The following CTNNA3 variants were observed in gnomAD, a reference collection of about 807,000 sequenced individuals.
CTNNA3 encodes the protein catenin alpha-3.
Under a neutral mutation model 95.7 loss-of-function variants are expected in CTNNA3, and 76 were observed. The ratio of observed to expected loss-of-function variants is 0.79; its 90% CI spans 0.66 to 0.96. The LOEUF is 0.96. Among genes scored for constraint, CTNNA3 ranks in the 40% least tolerant of loss-of-function variants. The pLI is 0.00. For missense variants in CTNNA3, 1,191 were observed against 1,089.8 expected (o/e 1.09, Z -1.31); for synonymous variants, 431 against 374.4 (o/e 1.15, Z -1.74).
intron 10 of CTNNA3, among the ~76,000 whole-genome samples, chr10:66,572,106 G>A (rs1336643640): frequency 5.9e-5 from 9 of 152,164 alleles, no homozygotes; most frequent in African/African-American, 1.4e-4. Context: ...TATGAGGCCG[G>A]GAGTGGTGGC....
At chr10:67,411,970 T>G (rs370845802) in intron 5 of CTNNA3, among the ~76,000 whole-genome samples, 8 of 152,272 alleles carry the variant, frequency 5.3e-5, no homozygotes, top group Middle Eastern at 3.4e-3. Context: ...GTTGAATCTG[T>G]GCAAAGAAGC....
At chr10:67,374,990 A>G (rs1388838689) in intron 5 of CTNNA3, among the ~76,000 whole-genome samples, 1 of 152,222 alleles carries the variant, frequency 6.6e-6, no homozygotes, top group South Asian at 2.1e-4. Flanking sequence ...TCATTTAATG[A>G]TACAACTCCA....
chr10:67,289,781 CGGAT>C (rs905045023), intron 5 of CTNNA3, among the ~76,000 whole-genome samples: 2 of 133,902 alleles, frequency 1.5e-5, no homozygotes, highest in African/African-American at 7.3e-5. Context: ...GATGGATGGA[CGGAT>C]GGATGGATGG....
intron 17 of CTNNA3, among the ~76,000 whole-genome samples, chr10:65,953,107 C>G (rs1314563653): frequency 1.3e-5 from 2 of 152,032 alleles, no homozygotes; most frequent in African/African-American, 4.8e-5. Flanking sequence ...TAGAATATAA[C>G]AATAGTTATT....
At chr10:66,555,164 A>C (rs774810518) in intron 10 of CTNNA3, among the ~76,000 whole-genome samples, 3 of 152,094 alleles carry the variant, frequency 2.0e-5, no homozygotes, top group Non-Finnish European at 4.4e-5. Flanking sequence ...ATTTTGCTTC[A>C]CTTTTATTCT....
intron 13 of CTNNA3, among the ~76,000 whole-genome samples, chr10:66,187,692 T>C (rs2086417641): frequency 6.6e-6 from 1 of 152,022 alleles, no homozygotes; most frequent in South Asian, 2.1e-4. Context: ...GAAAGTTTAG[T>C]GTCCACCCAT....
intron 13 of CTNNA3, among the ~76,000 whole-genome samples, chr10:66,155,307 T>G (rs1462818): frequency 0.074 from 11,255 of 151,836 alleles, 523 homozygotes; most frequent in Admixed American, 0.12. Flanking sequence ...GCCAAGTGAC[T>G]AAGACACTTG....
intron 5 of CTNNA3, among the ~76,000 whole-genome samples, chr10:67,435,401 C>T (rs965059273): frequency 6.6e-6 from 1 of 151,934 alleles, no homozygotes. Flanking sequence ...AAGTTGAAAG[C>T]ATTCTCTCTG....
chr10:66,494,390 T>C (rs1385694962), intron 11 of CTNNA3, among the ~76,000 whole-genome samples: 1 of 152,212 alleles, frequency 6.6e-6, no homozygotes, highest in Non-Finnish European at 1.5e-5. Flanking sequence ...TTAGACCCTG[T>C]TCATTCCATA....
chr10:66,918,598 C>T (rs1846614811), intron 7 of CTNNA3, among the ~76,000 whole-genome samples: 1 of 152,126 alleles, frequency 6.6e-6, no homozygotes, highest in Non-Finnish European at 1.5e-5. Context: ...AAGCTAAAGT[C>T]CAAATGACGT....
chr10:66,820,977 A>G (rs1336647320), intron 7 of CTNNA3, among the ~76,000 whole-genome samples: 5 of 152,100 alleles, frequency 3.3e-5, no homozygotes, highest in Non-Finnish European at 5.9e-5. Flanking sequence ...TTCCATCATC[A>G]TTAACTTATT....
chr10:66,051,785 C>G (rs1469827198), intron 15 of CTNNA3, among the ~76,000 whole-genome samples: 1 of 152,052 alleles, frequency 6.6e-6, no homozygotes, highest in Non-Finnish European at 1.5e-5. Flanking sequence ...ATGATAGAAC[C>G]CTTTCCTAAC....
chr10:67,481,436 G>T (rs753946372), intron 5 of CTNNA3, among the ~76,000 whole-genome samples: 3 of 152,066 alleles, frequency 2.0e-5, no homozygotes, highest in African/African-American at 2.4e-5. Flanking sequence ...AAAGTGTCAG[G>T]ATACAAAATC....
intron 7 of CTNNA3, among the ~76,000 whole-genome samples, chr10:66,873,349 C>A (rs1003012178): frequency 6.6e-6 from 1 of 150,910 alleles, no homozygotes; most frequent in Non-Finnish European, 1.5e-5. Flanking sequence ...GCCTCAACAG[C>A]ATCTGGTTTT....
At chr10:67,609,803 C>T (rs1843399777) in intron 2 of CTNNA3, among the ~76,000 whole-genome samples, 1 of 152,268 alleles carries the variant, frequency 6.6e-6, no homozygotes, top group East Asian at 1.9e-4. Context: ...AAGGTATTCT[C>T]TCTGGATCTA....
In CTNNA3 at chr10:66,720,835, AAAAAG is replaced by A. The variant is rs969018534; in HGVS notation, c.1281+45424_1281+45428del. On this transcript the variant is annotated intron_variant, in intron 9 of 17. Transcript: ENST00000433211. ...GTGACAGAGAGAGACCCTGTCTCAA[AAAAAG>A]AAAAGAAAAGAAAAGAAAACAAAAA... Among the ~76,000 whole-genome samples, 63 of 152,160 alleles carry A rather than the reference AAAAAG, an allele frequency of 4.1e-4. 1 individual carries two copies. The highest frequency in any genetic ancestry group is 6.8e-3 in the Middle Eastern group (2 of 292).
chr10:65,996,509 G>T (rs2078663684), intron 15 of CTNNA3, among the ~76,000 whole-genome samples: 1 of 152,238 alleles, frequency 6.6e-6, no homozygotes, highest in South Asian at 2.1e-4. Flanking sequence ...GCCCCAGGGA[G>T]AAATGCAGTC....
chr10:66,122,510 A>G (rs2082625984), intron 13 of CTNNA3, among the ~76,000 whole-genome samples: 1 of 152,240 alleles, frequency 6.6e-6, no homozygotes, highest in Admixed American at 6.5e-5. Context: ...ACCAAACGGG[A>G]TAAATACCAA....
intron 9 of CTNNA3, among the ~76,000 whole-genome samples, chr10:66,741,769 C>A (rs1208904427): frequency 1.3e-5 from 2 of 152,174 alleles, no homozygotes; most frequent in African/African-American, 4.8e-5. Context: ...ATTTCTTACA[C>A]CTGTCCTTAC....
Sources: gnomAD v4.1 joint callset for allele counts (sites outside exome capture counted in the v4.1 genomes callset) on GRCh38, gnomAD v4.1.1 for gene constraint, MANE v1.5 for transcripts, NCBI Gene and HGNC (gene_info 2026-07-23, HGNC 2026-07-21) for gene names.